Variants in GLI3 observed in about 807,000 individuals in gnomAD.
GLI3 encodes transcription activator GLI3.
In GLI3, 20 loss-of-function variants were observed where a neutral mutation model predicts 100.8. That is an observed-to-expected ratio of 0.20 (90% CI 0.14 to 0.29). The LOEUF is 0.29. Ranked by LOEUF, GLI3 falls within the 10% of genes least tolerant of loss-of-function variation. GLI3 has a pLI of 1.00. For missense variants in GLI3, 2,040 were observed against 2,128.5 expected, an observed-to-expected ratio of 0.96 and a Z score of 0.82; for synonymous variants, 938 against 860.5, an observed-to-expected ratio of 1.09 and a Z score of -1.58.
chr7:42,113,323 T>A, intron 3 of GLI3: 3 of 621,512 alleles, frequency 4.8e-6, no homozygotes, highest in South Asian at 4.5e-5. Flanking sequence ...CACCACCACA[T>A]CCTGTGCCCA....
chr7:42,055,086 T>TACATATATACACATATATGTATATATAC lies in GLI3; in HGVS notation c.474-6418_474-6391dup, dbSNP rs1313105373. ...ATATGTATACATATATATGTATATATACATATATACACATATATGTATATA... is the reference window on the plus strand; with the variant it reads ...ATATGTATACATATATATGTATATATACATATATACACATATATGTATATATACACATATATACACATATATGTATATA... On this transcript the variant is annotated intron_variant, in intron 4 of 14. Transcript: ENST00000395925. Among the ~76,000 whole-genome samples, 3 of 136,478 alleles carry TACATATATACACATATATGTATATATAC rather than the reference T, an allele frequency of 2.2e-5. No individual in the cohort carries two copies. The South Asian group carries it at 6.4e-4, about 29-fold the overall frequency. The allele number at this position is 136,478 out of a possible 152,430, so 89.5% of individuals were successfully genotyped here.
chr7:42,256,897 C>T (rs2128711269), intron 1 of GLI3, among the ~76,000 whole-genome samples: 1 of 152,184 alleles, frequency 6.6e-6, no homozygotes, highest in Non-Finnish European at 1.5e-5. Flanking sequence ...TTGAGTCTTC[C>T]AGTCCATGAA....
intron 2 of GLI3, among the ~76,000 whole-genome samples, chr7:42,164,515 T>C (rs1189330372): frequency 6.7e-6 from 1 of 148,994 alleles, no homozygotes; most frequent in South Asian, 2.1e-4. Flanking sequence ...AAAGACCTTG[T>C]CTAAAAAAAA....
chr7:42,086,018 T>G (rs1785095267), intron 3 of GLI3, among the ~76,000 whole-genome samples: 1 of 152,208 alleles, frequency 6.6e-6, no homozygotes, highest in South Asian at 2.1e-4. Context: ...TCTGCTTCTT[T>G]TATCTGGACC....
At chr7:42,176,647 G>A (rs1787486391) in intron 2 of GLI3, among the ~76,000 whole-genome samples, 1 of 152,206 alleles carries the variant, frequency 6.6e-6, no homozygotes, top group African/African-American at 2.4e-5. Flanking sequence ...AGGCTATTGA[G>A]AAAAATACAA....
chr7:42,101,410 G>A (rs1785458136), intron 3 of GLI3, among the ~76,000 whole-genome samples: 1 of 152,052 alleles, frequency 6.6e-6, no homozygotes, highest in Non-Finnish European at 1.5e-5. Flanking sequence ...AGACCACCCT[G>A]GACAACACGT....
At chr7:42,193,913 A>G (rs948416041) in intron 2 of GLI3, among the ~76,000 whole-genome samples, 1 of 152,254 alleles carries the variant, frequency 6.6e-6, no homozygotes, top group Non-Finnish European at 1.5e-5. Flanking sequence ...CTTTAAAGAA[A>G]ATAAAACAGA....
intron 7 of GLI3, among the ~76,000 whole-genome samples, chr7:42,034,291 G>A (rs1242630072): frequency 6.6e-6 from 1 of 152,136 alleles, no homozygotes; most frequent in African/African-American, 2.4e-5. Flanking sequence ...CTCAGAGTTC[G>A]ACCCACCAGG....
chr7:41,966,662 A>G lies in GLI3; in HGVS notation c.2432-21T>C. 4 of 1,613,482 alleles carry G rather than the reference A, an allele frequency of 2.5e-6. No homozygotes were observed. Among genetic ancestry groups the G allele is most frequent in the Non-Finnish European group, 3.4e-6 (4 of 1,179,694 alleles). ...TGTGCCTGGAGACAGAGAAAGGGAG[A>G]GACCATGCGGAGATGAATTCCCTTC... On this transcript the variant is annotated intron_variant, in intron 14 of 14. Transcript: ENST00000395925. This position sits in a 1 kb window ranked among gnomAD's most constrained non-coding sequence, Gnocchi z 5.8.
intron 2 of GLI3, among the ~76,000 whole-genome samples, chr7:42,160,579 A>G (rs1271782459): frequency 3.9e-5 from 6 of 152,216 alleles, no homozygotes; most frequent in Non-Finnish European, 8.8e-5. Context: ...TGGTGCTCCC[A>G]AAGTTTCAGA....
rs1328239829 is a variant in GLI3, at chr7:41,972,309, G to A, written c.2103+28C>T. On this transcript the variant is annotated intron_variant, in intron 13 of 14. Transcript: ENST00000395925. This position sits in a 1 kb window ranked among gnomAD's most constrained non-coding sequence, Gnocchi z 4.4. ...TGGCTCTTTTAAATGGGCCTGCTGT[G>A]AAGTCAGAAGGAGAGTGAATGACAT... is the stretch of plus-strand genomic sequence containing the variant. 6.2e-6 allele frequency: 10 copies of A among 1,602,892 alleles called. No individual in the cohort carries two copies. The African/African-American group carries it at 1.2e-4, about 19-fold the overall frequency.
Position 41,964,827 on chromosome 7 carries a change from A to G in GLI3, c.4246T>C (p.Cys1416Arg), listed in dbSNP as rs1406656790. The change falls in exon 15 of 15, where the codon TGC becomes CGC. Residue 1416 changes from cysteine (C) to arginine (R), a missense_variant. This residue lies in a region of GLI3 where 1,041 missense variants were observed against 924.0 expected (regional missense o/e 1.13). Transcript: ENST00000395925. The stretch of plus-strand genomic sequence containing the variant: ...TCCATCTTGATACCATTCACCCTGC[A>G]GGTCTGACTTGTGTCACTGAGCTGT... ...SGQLSDTSQT[C>R]RVNGIKMEMK... 4.3e-6 allele frequency: 7 copies of G among 1,613,964 alleles called. No homozygotes were observed. In the South Asian group the frequency reaches 7.7e-5, roughly 18 times the overall value.
chr7:42,102,864 G>A (rs1297706194), intron 3 of GLI3, among the ~76,000 whole-genome samples: 2 of 152,066 alleles, frequency 1.3e-5, no homozygotes, highest in African/African-American at 2.4e-5. Flanking sequence ...TCAGTTCGCC[G>A]GTCACACTGG....
chr7:42,115,582 G>A (rs770236716), intron 3 of GLI3, among the ~76,000 whole-genome samples: 12 of 152,082 alleles, frequency 7.9e-5, no homozygotes, highest in Non-Finnish European at 1.8e-4. Context: ...TCAGGCCCCC[G>A]GGCTGCTATT....
chr7:42,261,681 G>C lies in GLI3; in HGVS notation c.-43+2313C>G, dbSNP rs557944708. Among the ~76,000 whole-genome samples, 39 of 152,268 alleles carry C rather than the reference G, an allele frequency of 2.6e-4. 1 individual carries two copies. The highest frequency in any genetic ancestry group is 3.2e-4 in the Non-Finnish European group (22 of 68,016). On this transcript the variant is annotated intron_variant, in intron 1 of 2. Transcript: ENST00000678978. Reference sequence around the variant, plus strand: ...ATTAGTTTGTGTAGTAGTTATACTAGGTCTTACTATTCAGCAAGCCATAGA... The same window carrying C: ...ATTAGTTTGTGTAGTAGTTATACTACGTCTTACTATTCAGCAAGCCATAGA...
chr7:42,192,231 A>G (rs1005476650), intron 2 of GLI3, among the ~76,000 whole-genome samples: 1 of 152,098 alleles, frequency 6.6e-6, no homozygotes, highest in African/African-American at 2.4e-5. Flanking sequence ...AGGTGACTCT[A>G]AAGTTCATCT....
intron 3 of GLI3, among the ~76,000 whole-genome samples, chr7:42,094,211 A>G (rs138714458): frequency 0.011 from 1,740 of 152,312 alleles, 45 homozygotes; most frequent in Non-Finnish European, 0.015. Context: ...CTTAAAGTTT[A>G]GACAGGACAA....
chr7:42,109,380 A>C (rs1785649819), intron 3 of GLI3, among the ~76,000 whole-genome samples: 1 of 152,182 alleles, frequency 6.6e-6, no homozygotes, highest in Non-Finnish European at 1.5e-5. Flanking sequence ...CACCTCAGGA[A>C]ATTTAAGTCC....
intron 13 of GLI3, among the ~76,000 whole-genome samples, chr7:41,969,993 A>G (rs1787324290): frequency 6.6e-6 from 1 of 152,220 alleles, no homozygotes; most frequent in Non-Finnish European, 1.5e-5. Context: ...TCACATGCTG[A>G]ATGTTGAAAA....
Sources: gnomAD v4.1 joint callset for allele counts (sites outside exome capture counted in the v4.1 genomes callset) on GRCh38, gnomAD v4.1.1 for gene constraint, gnomAD v4.1.1 regional missense constraint, Gnocchi (gnomAD v3.1) non-coding constraint, MANE v1.5 for transcripts, NCBI Gene and HGNC (gene_info 2026-07-23, HGNC 2026-07-21) for gene names.